Variants in FOXN3 observed in about 807,000 individuals in gnomAD.
The protein encoded by FOXN3 is forkhead box N3.
Under a neutral mutation model 38.4 loss-of-function variants are expected in FOXN3, and 7 were observed. The observed-to-expected ratio is 0.18, with a 90% CI of 0.10 to 0.34. The LOEUF is 0.34. FOXN3 is among the 10% of genes least tolerant of loss of function. FOXN3 has a pLI of 1.00. For synonymous variants in FOXN3, 230 were observed against 242.2 expected (o/e 0.95, Z 0.47); for missense variants, 456 against 613.4 (o/e 0.74, Z 2.71).
At chr14:89,405,643 G>T (rs1240237036) in intron 2 of FOXN3, among the ~76,000 whole-genome samples, 1 of 152,146 alleles carries the variant, frequency 6.6e-6, no homozygotes, top group Non-Finnish European at 1.5e-5. Flanking sequence ...GCAGACAGTT[G>T]TGTGCTCTGT....
chr14:89,255,412 A>G (rs1186078447), intron 4 of FOXN3, among the ~76,000 whole-genome samples: 3 of 151,874 alleles, frequency 2.0e-5, no homozygotes, highest in African/African-American at 7.3e-5. Flanking sequence ...TCATTCACTC[A>G]TTCATTCAAC....
intron 4 of FOXN3, among the ~76,000 whole-genome samples, chr14:89,208,949 G>GT (rs1888453490): frequency 6.6e-6 from 1 of 152,036 alleles, no homozygotes; most frequent in African/African-American, 2.4e-5. Context: ...AGATCTCCCA[G>GT]TTTTTCTTTT....
intron 1 of FOXN3, among the ~76,000 whole-genome samples, chr14:89,432,890 A>C (rs1002766625): frequency 2.6e-5 from 4 of 152,134 alleles, no homozygotes; most frequent in East Asian, 1.9e-4. Context: ...TATATTGCCC[A>C]GGTCGGTCTC....
At chr14:89,524,371 C>CAAAAAAAAAAAAAAAAAAAAAAAAAAA (rs1301922423) in intron 1 of FOXN3, among the ~76,000 whole-genome samples, 1 of 6,576 alleles carries the variant, frequency 1.5e-4, no homozygotes, top group Non-Finnish European at 3.6e-4. Flanking sequence ...GACTCCATCT[C>CAAAAAAAAAAAAAAAAAAAAAAAAAAA]AAAAAAAAAA....
chr14:89,510,968 T>G (rs554717633), intron 1 of FOXN3, among the ~76,000 whole-genome samples: 1 of 151,580 alleles, frequency 6.6e-6, no homozygotes, highest in East Asian at 2.0e-4. Context: ...GTAACCAAAT[T>G]CATCACCCCC....
intron 3 of FOXN3, among the ~76,000 whole-genome samples, chr14:89,307,191 C>T (rs749192419): frequency 5.9e-5 from 9 of 152,146 alleles, no homozygotes; most frequent in South Asian, 2.1e-4. Context: ...CCCTGTGGAA[C>T]GCTAATCTAA....
At chr14:89,610,648 T>C (rs1896370818) in intron 1 of FOXN3, among the ~76,000 whole-genome samples, 1 of 152,228 alleles carries the variant, frequency 6.6e-6, no homozygotes, top group African/African-American at 2.4e-5. Flanking sequence ...GCTTAGAATA[T>C]GAACTTCAAA....
At chr14:89,288,663 A>G (rs59830550) in intron 3 of FOXN3, among the ~76,000 whole-genome samples, 1,445 of 45,938 alleles carry the variant, frequency 0.031, 132 homozygotes, top group East Asian at 0.081. Context: ...TGTAATAGGC[A>G]CTCTCTTTCT....
intron 3 of FOXN3, among the ~76,000 whole-genome samples, chr14:89,315,601 C>T (rs1050938825): frequency 2.0e-5 from 3 of 152,184 alleles, no homozygotes; most frequent in Non-Finnish European, 2.9e-5. Context: ...CAGGCAGACC[C>T]CAGAATTGCT....
At chr14:89,396,399 C>T (rs1891099363) in intron 2 of FOXN3, among the ~76,000 whole-genome samples, 1 of 152,200 alleles carries the variant, frequency 6.6e-6, no homozygotes, top group African/African-American at 2.4e-5. Context: ...GTGGGTTTTA[C>T]CAAGTCACTT....
chr14:89,434,223 T>C (rs1892227266), intron 1 of FOXN3, among the ~76,000 whole-genome samples: 1 of 142,172 alleles, frequency 7.0e-6, no homozygotes. Flanking sequence ...GCGCAAGCCT[T>C]TTTTTTTTTT....
rs886740882 is a variant in FOXN3 at position 89,470,738 on chromosome 14, G to A, written c.-14-58248C>T. On this transcript the variant is annotated intron_variant, in intron 1 of 6. Transcript: ENST00000345097. Reference sequence around the variant, plus strand: ...GGAACGCATTATGCCAACAAGCCAGGCACAGACACAGGCACTCCGTCCCAA... The same window carrying A: ...GGAACGCATTATGCCAACAAGCCAGACACAGACACAGGCACTCCGTCCCAA... 3.3e-5 allele frequency among the ~76,000 whole-genome samples: 5 copies of A among 152,182 alleles called. No homozygotes were observed. In the East Asian group the frequency reaches 9.6e-4, roughly 29 times the overall value.
At chr14:89,493,433 G>A (rs1893620760) in intron 1 of FOXN3, among the ~76,000 whole-genome samples, 1 of 152,104 alleles carries the variant, frequency 6.6e-6, no homozygotes, top group Non-Finnish European at 1.5e-5. Flanking sequence ...GCACAATTTG[G>A]TTGCAAAGTC....
At chr14:89,295,011 G>A (rs1372846946) in intron 3 of FOXN3, among the ~76,000 whole-genome samples, 3 of 152,056 alleles carry the variant, frequency 2.0e-5, no homozygotes, top group Non-Finnish European at 4.4e-5. Context: ...TACAGGGCAG[G>A]GTGAGAGCCA....
chr14:89,276,261 C>A (rs564242956), intron 4 of FOXN3, among the ~76,000 whole-genome samples: 2 of 152,272 alleles, frequency 1.3e-5, no homozygotes, highest in East Asian at 3.9e-4. Flanking sequence ...GCCTGGGCGA[C>A]AAGAGCAAGA....
intron 1 of FOXN3, among the ~76,000 whole-genome samples, chr14:89,499,436 G>A (rs182331555): frequency 3.1e-4 from 46 of 149,668 alleles, no homozygotes; most frequent in African/African-American, 1.1e-3. Flanking sequence ...CTTTTTGGGT[G>A]TTTTTACATG....
intron 2 of FOXN3, among the ~76,000 whole-genome samples, chr14:89,355,456 C>T (rs1349168539): frequency 6.6e-6 from 1 of 151,820 alleles, no homozygotes; most frequent in South Asian, 2.1e-4. Flanking sequence ...AGGCTGGTCT[C>T]GAACTCCTGA....
chr14:89,357,679 AAGT>A (rs1297036724), intron 2 of FOXN3, among the ~76,000 whole-genome samples: 5 of 152,224 alleles, frequency 3.3e-5, no homozygotes, highest in Admixed American at 6.5e-5. Context: ...AATGCAGATC[AAGT>A]AGGAGAAGTA....
At chr14:89,346,092 A>C (rs1888751520) in intron 3 of FOXN3, among the ~76,000 whole-genome samples, 1 of 152,186 alleles carries the variant, frequency 6.6e-6, no homozygotes. Context: ...AGCTGCATTT[A>C]AATTGCTGCA....
Sources: allele counts gnomAD v4.1 joint callset (sites outside exome capture counted in the v4.1 genomes callset), GRCh38; gene constraint gnomAD v4.1.1; transcripts MANE v1.5; gene names NCBI Gene and HGNC (gene_info 2026-07-23, HGNC 2026-07-21).